The following SYT1 variants were observed in gnomAD, a reference collection of about 807,000 sequenced individuals.
The protein encoded by SYT1 is synaptotagmin 1, also known as synaptotagmin-1.
Under a neutral mutation model 44.8 loss-of-function variants are expected in SYT1, and 8 were observed. The ratio of observed to expected loss-of-function variants is 0.18; its 90% CI spans 0.10 to 0.32. The LOEUF is 0.32. Among genes scored for constraint, SYT1 ranks in the 10% least tolerant of loss-of-function variants. The pLI is 1.00. For synonymous variants in SYT1, 154 were observed against 188.8 expected (o/e 0.82, Z 1.51); for missense variants, 286 against 509.3 (o/e 0.56, Z 4.22).
intron 1 of SYT1, among the ~76,000 whole-genome samples, chr12:78,893,709 A>G (rs992749494): frequency 6.6e-6 from 1 of 151,786 alleles, no homozygotes; most frequent in Non-Finnish European, 1.5e-5. Context: ...AACTAAAAAG[A>G]TAGGTTTAAG....
intron 3 of SYT1, among the ~76,000 whole-genome samples, chr12:79,130,889 T>C (rs1331500977): frequency 6.6e-6 from 1 of 152,048 alleles, no homozygotes; most frequent in Non-Finnish European, 1.5e-5. Context: ...TTAACACACA[T>C]CTACAGGGCA....
intron 3 of SYT1, among the ~76,000 whole-genome samples, chr12:79,131,967 T>A (rs1309466177): frequency 1.3e-5 from 2 of 152,170 alleles, no homozygotes; most frequent in Non-Finnish European, 2.9e-5. Context: ...TCCTTTTGAG[T>A]TAAGGATCAC....
chr12:79,428,161 G>C (rs1391625520), intron 9 of SYT1, among the ~76,000 whole-genome samples: 3 of 152,154 alleles, frequency 2.0e-5, no homozygotes, highest in Non-Finnish European at 4.4e-5. Context: ...AAATTGGAAA[G>C]ACTGGATGGT....
chr12:79,317,151 A>C (rs1044192076), intron 8 of SYT1, among the ~76,000 whole-genome samples: 3 of 152,158 alleles, frequency 2.0e-5, no homozygotes, highest in Non-Finnish European at 4.4e-5. Context: ...CCGTTTAAAA[A>C]GTTTAGGAGT....
intron 9 of SYT1, among the ~76,000 whole-genome samples, chr12:79,399,663 T>A (rs910268924): frequency 1.3e-5 from 2 of 152,220 alleles, no homozygotes; most frequent in Non-Finnish European, 2.9e-5. Flanking sequence ...AAAATTCTCA[T>A]GTAGAAGATA....
chr12:79,178,897 C>A (rs12820263), intron 3 of SYT1, among the ~76,000 whole-genome samples: 69,860 of 102,164 alleles, frequency 0.68, 25,328 homozygotes, highest in African/African-American at 0.79. Flanking sequence ...TTCATGCATG[C>A]GCCACCACAC....
At chr12:79,111,555 C>T (rs1405137106) in intron 3 of SYT1, among the ~76,000 whole-genome samples, 1 of 152,004 alleles carries the variant, frequency 6.6e-6, no homozygotes, top group Non-Finnish European at 1.5e-5. Flanking sequence ...ACAGACTCAA[C>T]ACTCAAGAAG....
intron 2 of SYT1, among the ~76,000 whole-genome samples, chr12:79,026,885 CA>C (rs74453652): frequency 5.3e-5 from 8 of 150,228 alleles, no homozygotes; most frequent in Admixed American, 4.7e-4. Flanking sequence ...ATGGCTACTA[CA>C]AAAAAAGATA....
chr12:79,021,296 T>C (rs1592670114), intron 2 of SYT1, among the ~76,000 whole-genome samples: 1 of 151,888 alleles, frequency 6.6e-6, no homozygotes. Flanking sequence ...AGCTAAAGCA[T>C]AGAGATTCTA....
intron 1 of SYT1, among the ~76,000 whole-genome samples, chr12:78,868,152 G>A (rs1031881699): frequency 2.3e-4 from 35 of 151,942 alleles, no homozygotes; most frequent in African/African-American, 8.4e-4. Flanking sequence ...CAACCAAGAA[G>A]AGCTATCACT....
intron 2 of SYT1, among the ~76,000 whole-genome samples, chr12:79,011,096 C>T (rs906441595): frequency 5.9e-5 from 9 of 152,028 alleles, no homozygotes; most frequent in Non-Finnish European, 1.0e-4. Context: ...TAAAAGGTTG[C>T]ATTAGAATAT....
At chr12:79,071,041 G>T (rs2137899185) in intron 3 of SYT1, among the ~76,000 whole-genome samples, 1 of 152,104 alleles carries the variant, frequency 6.6e-6, no homozygotes, top group South Asian at 2.1e-4. Context: ...TCTAAATAAA[G>T]GAAGAGGGTT....
chr12:79,192,974 T>C (rs975297746), intron 3 of SYT1, among the ~76,000 whole-genome samples: 2 of 152,188 alleles, frequency 1.3e-5, no homozygotes, highest in African/African-American at 4.8e-5. Context: ...TGGCTAATTA[T>C]ACCTGAATTA....
intron 3 of SYT1, among the ~76,000 whole-genome samples, chr12:79,201,592 G>A (rs879729918): frequency 6.6e-6 from 1 of 152,100 alleles, no homozygotes; most frequent in Non-Finnish European, 1.5e-5. Flanking sequence ...ATATAAGCCA[G>A]AATTTTAATA....
intron 3 of SYT1, among the ~76,000 whole-genome samples, chr12:79,094,325 C>T (rs574134589): frequency 2.4e-4 from 37 of 151,730 alleles, no homozygotes; most frequent in Non-Finnish European, 5.2e-4. Flanking sequence ...GAAAGATTTA[C>T]CCAAGTCACA....
chr12:79,441,082 G>A (rs776499489), intron 9 of SYT1, among the ~76,000 whole-genome samples: 22 of 152,098 alleles, frequency 1.4e-4, no homozygotes, highest in African/African-American at 5.3e-4. Context: ...CCCATCCCAG[G>A]TACATAACAT....
chr12:79,441,566 C>T (rs1252047129), intron 9 of SYT1, among the ~76,000 whole-genome samples: 4 of 152,066 alleles, frequency 2.6e-5, no homozygotes, highest in South Asian at 2.1e-4. Context: ...CTACCTGCCT[C>T]GGCCTCCCAA....
chr12:79,123,666 T>C (rs1259838551), intron 3 of SYT1, among the ~76,000 whole-genome samples: 1 of 152,198 alleles, frequency 6.6e-6, no homozygotes, highest in East Asian at 1.9e-4. Context: ...TAAAATAAAA[T>C]TGAAGCATTT....
intron 9 of SYT1, among the ~76,000 whole-genome samples, chr12:79,378,808 C>T (rs1884103908): frequency 6.6e-6 from 1 of 152,142 alleles, no homozygotes; most frequent in African/African-American, 2.4e-5. Context: ...AACCTAAGGA[C>T]CCTACTTGGG....
Sources: allele counts gnomAD v4.1 joint callset (sites outside exome capture counted in the v4.1 genomes callset), GRCh38; gene constraint gnomAD v4.1.1; transcripts MANE v1.5; gene names NCBI Gene and HGNC (gene_info 2026-07-23, HGNC 2026-07-21).